ERBB4: variants seen among roughly 807,000 people sequenced by gnomAD.
ERBB4 encodes the protein erb-b2 receptor tyrosine kinase 4, also known as receptor tyrosine-protein kinase erbB-4.
Under a neutral mutation model 158.0 loss-of-function variants are expected in ERBB4, and 42 were observed. The ratio of observed to expected loss-of-function variants is 0.27; its 90% CI spans 0.21 to 0.34. ERBB4 has a LOEUF of 0.34. ERBB4 is among the 10% of genes least tolerant of loss of function. ERBB4 has a pLI of 1.00. For synonymous variants in ERBB4, 583 were observed against 558.7 expected (o/e 1.04, Z -0.61); for missense variants, 1,333 against 1,624.1 (o/e 0.82, Z 3.08).
At chr2:211,716,630 T>C (rs530577412) in intron 7 of ERBB4, among the ~76,000 whole-genome samples, 5 of 151,620 alleles carry the variant, frequency 3.3e-5, no homozygotes, top group Admixed American at 1.3e-4. Context: ...GAGCCGAGAT[T>C]GCGCCACTGC....
intron 1 of ERBB4, among the ~76,000 whole-genome samples, chr2:212,311,366 C>G (rs1056084852): frequency 6.7e-6 from 1 of 150,296 alleles, no homozygotes; most frequent in Non-Finnish European, 1.5e-5. Context: ...AAAAAAGAAA[C>G]AGATATGGAA....
chr2:212,059,717 C>G (rs1437190949), intron 2 of ERBB4, among the ~76,000 whole-genome samples: 2 of 152,030 alleles, frequency 1.3e-5, no homozygotes, highest in Non-Finnish European at 2.9e-5. Flanking sequence ...AATAAATGGT[C>G]CTGGGAAAAC....
At chr2:211,621,402 T>A (rs2069596828) in intron 18 of ERBB4, among the ~76,000 whole-genome samples, 1 of 152,170 alleles carries the variant, frequency 6.6e-6, no homozygotes, top group African/African-American at 2.4e-5. Context: ...TAATCCTTTA[T>A]AGTTTAAGAC....
intron 15 of ERBB4, among the ~76,000 whole-genome samples, chr2:211,660,108 G>T (rs1429494468): frequency 6.6e-6 from 1 of 152,138 alleles, no homozygotes; most frequent in African/African-American, 2.4e-5. Flanking sequence ...AATAGGAAGA[G>T]GGGAAAAAAG....
chr2:211,999,362 G>A (rs534416724), intron 2 of ERBB4, among the ~76,000 whole-genome samples: 134 of 151,764 alleles, frequency 8.8e-4, no homozygotes, highest in African/African-American at 3.2e-3. Context: ...TGCTCTTGGG[G>A]CATGATATAA....
At position 211,942,754 on chromosome 2, in the gene ERBB4, A is replaced by G. The variant is rs72933774; in HGVS notation, c.421+4676T>C. 3.9e-3 allele frequency among the ~76,000 whole-genome samples: 595 copies of G among 152,292 alleles called. 6 individuals are homozygous for G. Among genetic ancestry groups the G allele is most frequent in the Middle Eastern group, 6.8e-3 (2 of 294 alleles). On this transcript the variant is annotated intron_variant, in intron 3 of 27. Coordinates refer to ENST00000342788, the MANE Select transcript of ERBB4 (RefSeq NM_005235.3). ...TATGAATATGTTGGTCTGAAAATAT[A>G]TAGCGTATTCAGCTAATTTTTGGAA... is the stretch of plus-strand genomic sequence containing the variant.
chr2:211,821,071 T>A (rs1264662529), intron 3 of ERBB4, among the ~76,000 whole-genome samples: 1 of 151,784 alleles, frequency 6.6e-6, no homozygotes, highest in Non-Finnish European at 1.5e-5. Context: ...GAGACATAAA[T>A]AAAGGACATC....
At chr2:211,851,799 C>T (rs2077728196) in intron 3 of ERBB4, among the ~76,000 whole-genome samples, 1 of 151,772 alleles carries the variant, frequency 6.6e-6, no homozygotes, top group Non-Finnish European at 1.5e-5. Flanking sequence ...AATTTCAAGA[C>T]AAATTTCTTG....
At chr2:212,171,833 G>T (rs1247976626) in intron 1 of ERBB4, among the ~76,000 whole-genome samples, 1 of 152,110 alleles carries the variant, frequency 6.6e-6, no homozygotes, top group Non-Finnish European at 1.5e-5. Flanking sequence ...CCCAGTCTCA[G>T]ATATGTCTTT....
chr2:212,291,314 A>T (rs2106180669), intron 1 of ERBB4, among the ~76,000 whole-genome samples: 1 of 152,270 alleles, frequency 6.6e-6, no homozygotes, highest in South Asian at 2.1e-4. Flanking sequence ...GAAGAAGTAC[A>T]AATGATTCTA....
At chr2:211,434,118 T>C (rs1429926206) in intron 20 of ERBB4, among the ~76,000 whole-genome samples, 1 of 152,230 alleles carries the variant, frequency 6.6e-6, no homozygotes, top group African/African-American at 2.4e-5. Context: ...AGGTGGATAA[T>C]GATCCCTTGA....
intron 27 of ERBB4, 112 bp downstream of exon 27, chr2:211,386,741 G>A: frequency 3.0e-6 from 3 of 997,988 alleles, no homozygotes; most frequent in Non-Finnish European, 4.7e-6. Flanking sequence ...GGCCTTTACT[G>A]GATCACAAAT....
At chr2:212,004,257 A>G (rs2076208967) in intron 2 of ERBB4, among the ~76,000 whole-genome samples, 1 of 152,210 alleles carries the variant, frequency 6.6e-6, no homozygotes, top group African/African-American at 2.4e-5. Context: ...TTCAGGCAGT[A>G]TTTTGAGACA....
At chr2:212,024,017 G>T (rs2076718450) in intron 2 of ERBB4, among the ~76,000 whole-genome samples, 1 of 150,514 alleles carries the variant, frequency 6.6e-6, no homozygotes, top group East Asian at 2.0e-4. Flanking sequence ...AGCTTCATTT[G>T]TCTTTTGTCC....
At chr2:211,575,920 T>C (rs1320297658) in intron 19 of ERBB4, among the ~76,000 whole-genome samples, 2 of 152,136 alleles carry the variant, frequency 1.3e-5, no homozygotes, top group African/African-American at 4.8e-5. Context: ...TCTCCTCTAC[T>C]TTTATAATGA....
intron 1 of ERBB4, among the ~76,000 whole-genome samples, chr2:212,136,925 A>G (rs1247870085): frequency 6.6e-6 from 1 of 152,160 alleles, no homozygotes; most frequent in Non-Finnish European, 1.5e-5. Flanking sequence ...TTTAAAACCC[A>G]ATTCATAGTC....
intron 1 of ERBB4, among the ~76,000 whole-genome samples, chr2:212,343,602 A>G (rs1002635226): frequency 6.6e-6 from 1 of 152,170 alleles, no homozygotes; most frequent in Non-Finnish European, 1.5e-5. Flanking sequence ...ACCTAGAGAA[A>G]GAAATCCCAG....
intron 2 of ERBB4, among the ~76,000 whole-genome samples, chr2:212,081,903 A>C (rs1392050595): frequency 6.6e-6 from 1 of 152,144 alleles, no homozygotes; most frequent in East Asian, 1.9e-4. Flanking sequence ...TTCACCTAGC[A>C]AACTTCAGCC....
Position 211,963,697 on chromosome 2 carries a change from A to T in ERBB4, c.235-16081T>A, listed in dbSNP as rs533851900. 3.3e-5 allele frequency among the ~76,000 whole-genome samples: 5 copies of T among 151,660 alleles called. No homozygotes were observed. The East Asian group carries it at 7.8e-4, about 24-fold the overall frequency. On this transcript the variant is annotated intron_variant, in intron 2 of 27. Transcript: ENST00000342788. ...TGCAGTAGCAAAATTTTCTATGTTGATTTGATTTTTTTTCATTCACTGTTT... is the reference window on the plus strand; with the variant it reads ...TGCAGTAGCAAAATTTTCTATGTTGTTTTGATTTTTTTTCATTCACTGTTT...
Sources: allele counts gnomAD v4.1 joint callset (sites outside exome capture counted in the v4.1 genomes callset), GRCh38; gene constraint gnomAD v4.1.1; transcripts MANE v1.5; gene names NCBI Gene and HGNC (gene_info 2026-07-23, HGNC 2026-07-21).